The following NAGK variants were observed in gnomAD, a reference collection of about 807,000 sequenced individuals.
NAGK encodes the protein N-acetyl-D-glucosamine kinase.
A neutral mutation model predicts 42.9 loss-of-function variants in NAGK; 35 were observed. The observed-to-expected ratio is 0.82, with a 90% CI of 0.62 to 1.08. The LOEUF (loss-of-function observed/expected upper bound fraction) is 1.08, where lower values mean the gene tolerates loss of function less well. Among genes scored for constraint, NAGK ranks in the 50% least tolerant of loss-of-function variants. The pLI, the probability that NAGK is intolerant of heterozygous loss-of-function variation, is 0.00. For synonymous variants in NAGK, 172 were observed against 176.0 expected, an observed-to-expected ratio of 0.98 and a Z score of 0.18; for missense variants, 446 against 446.0, an observed-to-expected ratio of 1.00 and a Z score of 0.00.
chr2:71,073,482 C>A lies in NAGK; in HGVS notation c.467C>A (p.Ala156Asp), dbSNP rs1235100397. Residue 156 changes from alanine (A) to aspartate (D), a missense_variant and splice_region_variant, in exon 6 of 10, where the codon GCC becomes GAC. Coordinates refer to ENST00000244204, the MANE Select transcript of NAGK (RefSeq NM_017567.6). The stretch of plus-strand genomic sequence containing the variant: ...TCTTAGCCCTCTCTGCTCCCTGCAG[C>A]CTACTGGATCGCACACCAAGCAGTG... ...WGHMMGDEGS[A>D]YWIAHQAVKI... is the part of the protein sequence containing the mutation. 1 of 1,611,416 alleles carries A rather than the reference C, an allele frequency of 6.2e-7. No homozygotes were observed. Among genetic ancestry groups the A allele is most frequent in the Admixed American group, 1.7e-5 (1 of 60,024 alleles).
At chr2:71,071,453 CA>C (rs1295217272) in intron 3 of NAGK, 8 of 557,196 alleles carry the variant, frequency 1.4e-5, no homozygotes, top group Non-Finnish European at 2.5e-5. Context: ...TTCCAAGCTC[CA>C]AAGCTGGCAT....
chr2:71,072,898 G>C, intron 5 of NAGK, 147 bp downstream of exon 5: 1 of 741,994 alleles, frequency 1.3e-6, no homozygotes, highest in Non-Finnish European at 2.4e-6. Flanking sequence ...GCAGGATCAT[G>C]ACTGAGATCA....
chr2:71,072,321 G>C (rs1037529454), intron 4 of NAGK: 8 of 345,304 alleles, frequency 2.3e-5, no homozygotes, highest in Non-Finnish European at 2.7e-5. Flanking sequence ...ATCACTGTGA[G>C]AACGGGTCTA....
chr2:71,078,284 C>T (rs758488208), intron 9 of NAGK, 34 bp from the exon 10 acceptor site: 2 of 1,604,650 alleles, frequency 1.2e-6, no homozygotes, highest in African/African-American at 1.3e-5. Context: ...TTGCTGTTCT[C>T]CTCTTATCTC....
intron 6 of NAGK, 31 bp downstream of exon 6, chr2:71,073,625 A>G: frequency 6.5e-7 from 1 of 1,532,758 alleles, no homozygotes; most frequent in Non-Finnish European, 9.0e-7. Flanking sequence ...AAACATGCGC[A>G]CCTGGGGTAG....
chr2:71,071,197 A>G, intron 3 of NAGK: 5 of 346,042 alleles, frequency 1.4e-5, no homozygotes, highest in Non-Finnish European at 2.2e-5. Flanking sequence ...GTAAAATGGC[A>G]TGATACATTG....
rs563278716 is a variant in NAGK, at chr2:71,073,542, C to T, written c.527C>T (p.Ala176Val). 2.1e-4 allele frequency: 345 copies of T among 1,614,104 alleles called. No individual in the cohort carries two copies. The highest frequency in any genetic ancestry group is 2.7e-4 in the Non-Finnish European group (321 of 1,179,994). ...TTTGACTCCATTGACAACCTAGAGG[C>T]GGCTCCTCATGATATCGGCTACGTC... Reference protein sequence around the residue: ...IVFDSIDNLEAAPHDIGYVKQ... With the variant: ...IVFDSIDNLEVAPHDIGYVKQ... Residue 176 changes from alanine to valine, a missense_variant, in exon 6 of 10, where the codon GCG becomes GTG. Ala to Val is a moderately conservative substitution (Grantham distance 64). Coordinates refer to ENST00000244204, the MANE Select transcript of NAGK (RefSeq NM_017567.6).
At chr2:71,073,035 A>G in intron 5 of NAGK, 2 of 490,344 alleles carry the variant, frequency 4.1e-6, no homozygotes, top group Non-Finnish European at 7.5e-6. Flanking sequence ...GGAGGAGTTG[A>G]AACTGAGGGT....
At chr2:71,077,752 C>T in intron 9 of NAGK, 116 bp downstream of exon 9, 1 of 1,111,122 alleles carries the variant, frequency 9.0e-7, no homozygotes, top group Non-Finnish European at 1.3e-6. Flanking sequence ...GAGGCCTAGA[C>T]AGGCCACTGA....
At chr2:71,075,528 A>C in intron 6 of NAGK, 27 bp from the exon 7 acceptor site, 1 of 1,565,524 alleles carries the variant, frequency 6.4e-7, no homozygotes, top group Non-Finnish European at 8.8e-7. Context: ...GCTTCTGATG[A>C]CTCTCTTGTG....
intron 3 of NAGK, 129 bp downstream of exon 3, chr2:71,070,968 G>C (rs148003976): frequency 4.2e-5 from 39 of 923,860 alleles, no homozygotes; most frequent in Non-Finnish European, 6.1e-5. Flanking sequence ...TGTCAAAACT[G>C]TCATAATCTC....
At position 71,078,483 on chromosome 2, in the gene NAGK, C is replaced by T. The variant is rs766269249; in HGVS notation, c.1010C>T (p.Ala337Val). ...ATGGACTATAGCGCCAATGCCATTG[C>T]CTTCTATTCCTACACCTTTTCCTAG... is the stretch of plus-strand genomic sequence containing the variant. ...LPMDYSANAI[A>V]FYSYTFS The change falls in exon 10 of 10, where the codon GCC becomes GTC. Residue 337 changes from alanine to valine, a missense_variant. Ala to Val is a moderately conservative substitution (Grantham distance 64, BLOSUM62 0). Transcript: ENST00000244204. 1 of 1,581,062 alleles carries T rather than the reference C, an allele frequency of 6.3e-7. No individual in the cohort carries two copies. The highest frequency in any genetic ancestry group is 1.8e-5 in the Admixed American group (1 of 55,074).
At chr2:71,075,705 TTGAG>T in intron 7 of NAGK, 63 bp downstream of exon 7, 1 of 1,462,730 alleles carries the variant, frequency 6.8e-7, no homozygotes, top group Non-Finnish European at 9.6e-7. Flanking sequence ...AGTTGGGAGA[TTGAG>T]TGGGGTTCAG....
Position 71,072,792 on chromosome 2 carries a change from C to T in NAGK, c.466+41C>T, listed in dbSNP as rs758613381. 6 of 1,525,880 alleles carry T rather than the reference C, an allele frequency of 3.9e-6. No individual in the cohort carries two copies. The South Asian group carries it at 6.8e-5, about 17-fold the overall frequency. 94.5% of individuals were successfully genotyped at this position (1,525,880 alleles called of 1,614,324 possible). A position where few individuals can be genotyped will look rare whatever the true frequency, so the allele number is the denominator to read the frequency against. Reference sequence around the variant, plus strand: ...GGCCCAGCTCCAGGTCCTGGATCTGCTCCTTCCTTCACTCCCTGTCTTTCT... The same window carrying T: ...GGCCCAGCTCCAGGTCCTGGATCTGTTCCTTCCTTCACTCCCTGTCTTTCT... On this transcript the variant is annotated intron_variant, in intron 5 of 9. Transcript: ENST00000244204.
rs764243507 is a variant in NAGK, at chr2:71,073,539, A to C, written c.524A>C (p.Glu175Ala). ...KIVFDSIDNL[E>A]AAPHDIGYVK... is the part of the protein sequence containing the mutation. Reference sequence around the variant, plus strand: ...GTGTTTGACTCCATTGACAACCTAGAGGCGGCTCCTCATGATATCGGCTAC... The same window carrying C: ...GTGTTTGACTCCATTGACAACCTAGCGGCGGCTCCTCATGATATCGGCTAC... The change falls in exon 6 of 10, where the codon GAG (glutamate) becomes GCG (alanine). Residue 175 changes from glutamate (E) to alanine (A), a missense_variant. Physicochemically the swap from Glu to Ala is moderately radical, Grantham distance 107. Transcript: ENST00000244204. 11 of 1,614,162 alleles carry C rather than the reference A, an allele frequency of 6.8e-6. No homozygotes were observed. The Admixed American group carries it at 1.8e-4, about 27-fold the overall frequency.
At chr2:71,075,341 C>A in intron 6 of NAGK, 1 of 525,802 alleles carries the variant, frequency 1.9e-6, no homozygotes, top group East Asian at 2.9e-5. Flanking sequence ...CTCTGTGCTG[C>A]CTTCAAACTA....
intron 8 of NAGK, 28 bp from the exon 9 acceptor site, chr2:71,077,530 C>A: frequency 6.3e-7 from 1 of 1,584,476 alleles, no homozygotes; most frequent in Non-Finnish European, 8.6e-7. Flanking sequence ...AGGTTGGCCC[C>A]CATATCCATT....
chr2:71,075,375 A>G, intron 6 of NAGK, 180 bp from the exon 7 acceptor site: 1 of 579,394 alleles, frequency 1.7e-6, no homozygotes, highest in Non-Finnish European at 3.1e-6. Flanking sequence ...AATGAAGTCC[A>G]TGTTAGGGAA....
At chr2:71,068,481 A>C, upstream of NAGK, 1 of 1,413,928 alleles carries the variant, frequency 7.1e-7, no homozygotes, top group African/African-American at 1.5e-5. Flanking sequence ...TGGAGGAGAC[A>C]CCAGAAGGAA....
Sources: allele counts gnomAD v4.1 joint callset, GRCh38; gene constraint gnomAD v4.1.1; transcripts MANE v1.5; gene names NCBI Gene and HGNC (gene_info 2026-07-23, HGNC 2026-07-21).